Variants in NKX2-5 observed in about 807,000 individuals in gnomAD.
NKX2-5 encodes homeobox protein Nkx-2.5.
Under a neutral mutation model 24.5 loss-of-function variants are expected in NKX2-5, and 3 were observed. That is an observed-to-expected ratio of 0.12 (90% CI 0.06 to 0.32). NKX2-5 has a LOEUF of 0.32. Ranked by LOEUF, NKX2-5 falls within the 10% of genes least tolerant of loss-of-function variation. NKX2-5 has a pLI of 1.00. For missense variants in NKX2-5, 429 were observed against 452.4 expected (o/e 0.95, Z 0.47); for synonymous variants, 215 against 217.6 (o/e 0.99, Z 0.11).
At position 173,232,583 on chromosome 5, in the gene NKX2-5, T is replaced by C. The variant is rs944504713; in HGVS notation, c.961A>G (p.Ile321Val). The change falls in exon 2 of 2, where the codon ATC becomes GTC. Residue 321 changes from isoleucine (I) to valine (V), a missense_variant. Coordinates refer to ENST00000329198, the MANE Select transcript of NKX2-5 (RefSeq NM_004387.4). The surrounding 1 kb of genome is among the most constrained non-coding windows in gnomAD (Gnocchi z 5.9). ...SNSGVSTLHG[I>V]RAW is the part of the protein sequence containing the mutation. The stretch of plus-strand genomic sequence containing the variant: ...GGGTCCCTTCCCTACCAGGCTCGGA[T>C]ACCATGCAGCGTGGACACTCCCGAG... The C allele has an allele frequency of 5.0e-6, 8 of 1,610,276 alleles. No individual in the cohort carries two copies. The African/African-American group carries it at 5.3e-5, about 11-fold the overall frequency.
chr5:173,232,950 C>T lies in NKX2-5; in HGVS notation c.594G>A (p.Gln198=), dbSNP rs7728764. The part of the protein sequence containing the change: ...NRRYKCKRQR[Q]DQTLELVGLP... ...GCCCCACCAGCTCCAGAGTCTGGTC[C>T]TGCCGCTGCCGCTTGCACTTGTAGC... The change falls in exon 2 of 2, where the codon CAG becomes CAA. Residue 198 remains glutamine (Q), a synonymous_variant. Transcript: ENST00000329198. The surrounding 1 kb of genome is among the most constrained non-coding windows in gnomAD (Gnocchi z 5.9). 1,109 of 1,607,354 alleles carry T rather than the reference C, an allele frequency of 6.9e-4. 7 individuals are homozygous for T. In the African/African-American group the frequency reaches 0.013, roughly 18 times the overall value.
At chr5:173,234,601 G>A (rs966696675) in intron 1 of NKX2-5, 149 bp downstream of exon 1, 6 of 711,620 alleles carry the variant, frequency 8.4e-6, no homozygotes, top group Admixed American at 3.8e-5. Context: ...GCGGGAGCCT[G>A]GCGACAACAC....
chr5:173,232,410 G>A lies in NKX2-5; in HGVS notation c.*159C>T. ...CCGCCACAAACTCTCCCGTGCGCAA[G>A]AACAAACGCGCGTGGGACAGAAAAA... On this transcript the variant is annotated 3_prime_UTR_variant, in exon 2 of 2. Coordinates refer to ENST00000329198, the MANE Select transcript of NKX2-5 (RefSeq NM_004387.4). The surrounding 1 kb of genome is among the most constrained non-coding windows in gnomAD (Gnocchi z 5.9). 7.3e-7 allele frequency: 1 copy of A among 1,361,714 alleles called. No homozygotes were observed. The highest frequency in any genetic ancestry group is 9.9e-7 in the Non-Finnish European group (1 of 1,012,002). The allele number at this position is 1,361,714 out of a possible 1,614,324, so 84.4% of individuals were successfully genotyped here.
At chr5:173,233,879 C>G (rs944154246) in intron 1 of NKX2-5, 1 of 985,366 alleles carries the variant, frequency 1.0e-6, no homozygotes, top group African/African-American at 1.7e-5. Flanking sequence ...TGAATTCTCT[C>G]CCGGCTGGCA....
chr5:173,235,097 G>A lies in NKX2-5; in HGVS notation c.-14C>T. On this transcript the variant is annotated 5_prime_UTR_variant, in exon 1 of 2. Transcript: ENST00000329198. ...GCTGGGGAACATGGTGGCAGCGCCA[G>A]TCTCACAGCGCCAGGTGGGCGGCAG... 1 of 1,595,612 alleles carries A rather than the reference G, an allele frequency of 6.3e-7. No individual in the cohort carries two copies. Among genetic ancestry groups the A allele is most frequent in the East Asian group, 2.3e-5 (1 of 43,946 alleles).
rs1303521925 is a variant in NKX2-5 at position 173,233,122 on chromosome 5, G to T, written c.422C>A (p.Pro141Gln). The change falls in exon 2 of 2, where the codon CCG (proline) becomes CAG (glutamine). Residue 141 changes from proline to glutamine, a missense_variant. Pro to Gln is a moderately conservative substitution (Grantham distance 76, BLOSUM62 -1). This residue lies in a region of NKX2-5 where 240 missense variants were observed against 240.4 expected (regional missense o/e 1.00). Transcript: ENST00000329198. ...CTGCGCCTGCGAGAAGAGCACGCGC[G>T]GCTTCCTCCGCCGTCGCGCCCGGGG... ...ERPRARRRRK[P>Q]RVLFSQAQVY... is the part of the protein sequence containing the mutation. 6.3e-7 allele frequency: 1 copy of T among 1,599,540 alleles called. No individual in the cohort carries two copies. The highest frequency in any genetic ancestry group is 1.1e-5 in the South Asian group (1 of 89,420).
rs1298345224 is a variant in NKX2-5, at chr5:173,233,027, T to C, written c.517A>G (p.Ser173Gly). The change falls in exon 2 of 2, where the codon AGC becomes GGC. Residue 173 changes from serine to glycine, a missense_variant. Physicochemically the swap from Ser to Gly is moderately conservative, Grantham distance 56 (BLOSUM62 0). This residue lies in a region of NKX2-5 where 240 missense variants were observed against 240.4 expected (regional missense o/e 1.00). Transcript: ENST00000329198. Reference protein sequence around the residue: ...LSAPERDQLASVLKLTSTQVK... With the variant: ...LSAPERDQLAGVLKLTSTQVK... ...TGCGTGGACGTGAGTTTCAGCACGCTGGCCAGCTGGTCGCGTTCGGGGGCC... is the reference window on the plus strand; with the variant it reads ...TGCGTGGACGTGAGTTTCAGCACGCCGGCCAGCTGGTCGCGTTCGGGGGCC... 1.9e-6 allele frequency: 3 copies of C among 1,608,834 alleles called. No homozygotes were observed. The highest frequency in any genetic ancestry group is 2.5e-6 in the Non-Finnish European group (3 of 1,178,164).
intron 1 of NKX2-5, chr5:173,233,953 C>A: frequency 1.7e-6 from 2 of 1,198,322 alleles, no homozygotes; most frequent in Non-Finnish European, 1.1e-6. Flanking sequence ...CGGGCTCCTG[C>A]CTTGGGCTGG....
chr5:173,234,370 T>C (rs1237739471), intron 1 of NKX2-5: 1 of 908,890 alleles, frequency 1.1e-6, no homozygotes, highest in Non-Finnish European at 1.3e-6. Flanking sequence ...ATCAGATCTT[T>C]AAAAAGATTC....
chr5:173,234,874 G>A lies in NKX2-5; in HGVS notation c.210C>T (p.Arg70=). 1.2e-6 allele frequency: 2 copies of A among 1,603,934 alleles called. No homozygotes were observed. The highest frequency in any genetic ancestry group is 1.7e-6 in the Non-Finnish European group (2 of 1,175,510). ...GTGAAGGCGCGCGGCCCAGCTCTGC[G>A]CGCAGCTCTGGGAGGCCCGGCGCAG... ...EAAAPGLPEL[R]AELGRAPSPA... is the part of the protein sequence containing the mutation. The change falls in exon 1 of 2, where the codon CGC becomes CGT. Residue 70 remains arginine (R), a synonymous_variant. Coordinates refer to ENST00000329198, the MANE Select transcript of NKX2-5 (RefSeq NM_004387.4).
chr5:173,233,831 C>A, intron 1 of NKX2-5: 1 of 985,260 alleles, frequency 1.0e-6, no homozygotes, highest in African/African-American at 1.7e-5. Context: ...CGTGCCCGCC[C>A]GAATTTGTTC....
intron 1 of NKX2-5, chr5:173,233,721 A>T: frequency 2.0e-6 from 1 of 506,084 alleles, no homozygotes; most frequent in Non-Finnish European, 2.6e-6. Flanking sequence ...GCCTGGCCGC[A>T]GCAGGGTTTG....
At position 173,233,193 on chromosome 5, in the gene NKX2-5, C is replaced by G; in HGVS notation, c.351G>C (p.Gln117His). Residue 117 changes from glutamine (Q) to histidine (H), a missense_variant, in exon 2 of 2, where the codon CAG becomes CAC. Transcript: ENST00000329198. ...RAEKKELCAL[Q>H]KAVELEKTEA... ...CTGTCTTCTCCAGCTCCACCGCCTT[C>G]TGCAGCGCGCACAGCTCTGAGGGGG... 6.2e-7 allele frequency: 1 copy of G among 1,601,158 alleles called. No homozygotes were observed. Among genetic ancestry groups the G allele is most frequent in the Non-Finnish European group, 8.5e-7 (1 of 1,179,086 alleles).
At chr5:173,233,428 A>G (rs957107634) in intron 1 of NKX2-5, 1 of 1,536,622 alleles carries the variant, frequency 6.5e-7, no homozygotes, top group East Asian at 2.4e-5. Flanking sequence ...GCTGGAGAAC[A>G]AAACGGGAGG....
In NKX2-5 at chr5:173,232,287, G is replaced by T. The variant is rs1025638346; in HGVS notation, c.*282C>A. 13 of 539,648 alleles carry T rather than the reference G, an allele frequency of 2.4e-5. No homozygotes were observed. The highest frequency in any genetic ancestry group is 1.7e-4 in the African/African-American group (9 of 51,884). The allele number at this position is 539,648 out of a possible 1,614,324, so 33.4% of individuals were successfully genotyped here. Reference sequence around the variant, plus strand: ...CCCTGCGTGCCCGAGCTCAGTCCCAGTTCCAACCGGGGGTGCCCATGGACT... The same window carrying T: ...CCCTGCGTGCCCGAGCTCAGTCCCATTTCCAACCGGGGGTGCCCATGGACT... On this transcript the variant is annotated 3_prime_UTR_variant, in exon 2 of 2. Transcript: ENST00000329198. The surrounding 1 kb of genome is among the most constrained non-coding windows in gnomAD (Gnocchi z 5.9).
chr5:173,233,013 G>A lies in NKX2-5; in HGVS notation c.531C>T (p.Leu177=). 1.2e-6 allele frequency: 2 copies of A among 1,610,944 alleles called. No homozygotes were observed. Among genetic ancestry groups the A allele is most frequent in the East Asian group, 4.5e-5 (2 of 44,762 alleles). ...ACCAGATCTTGACCTGCGTGGACGT[G>A]AGTTTCAGCACGCTGGCCAGCTGGT... ...ERDQLASVLK[L]TSTQVKIWFQ... Residue 177 remains leucine, a synonymous_variant, in exon 2 of 2, where the codon CTC becomes CTT. Transcript: ENST00000329198.
chr5:173,234,681 C>T (rs1761426135), intron 1 of NKX2-5, 69 bp downstream of exon 1: 2 of 1,352,642 alleles, frequency 1.5e-6, no homozygotes, highest in African/African-American at 1.5e-5. Context: ...TCTCCTCCTC[C>T]TGGCCCTGAG....
intron 1 of NKX2-5, 187 bp from the exon 2 acceptor site, chr5:173,233,396 G>T: frequency 6.5e-7 from 1 of 1,536,058 alleles, no homozygotes; most frequent in South Asian, 1.2e-5. Context: ...AGCATTTGTA[G>T]AAAGTCAGGC....
At chr5:173,233,531 A>T (rs1561620328) in intron 1 of NKX2-5, 1 of 898,004 alleles carries the variant, frequency 1.1e-6, no homozygotes, top group South Asian at 1.6e-5. Context: ...AAATAAAAAA[A>T]TAAAAAAATA....
Sources: gnomAD v4.1 joint callset for allele counts on GRCh38, gnomAD v4.1.1 for gene constraint, gnomAD v4.1.1 regional missense constraint, Gnocchi (gnomAD v3.1) non-coding constraint, MANE v1.5 for transcripts, NCBI Gene and HGNC (gene_info 2026-07-23, HGNC 2026-07-21) for gene names.